RALGPS2: variants seen among roughly 807,000 people sequenced by gnomAD.
The protein encoded by RALGPS2 is Ral GEF with PH domain and SH3 binding motif 2, also known as ras-specific guanine nucleotide-releasing factor RalGPS2.
A neutral mutation model predicts 86.8 loss-of-function variants in RALGPS2; 43 were observed. The observed-to-expected ratio is 0.50, with a 90% CI of 0.39 to 0.64. The LOEUF (loss-of-function observed/expected upper bound fraction) is 0.64, where lower values mean the gene tolerates loss of function less well. Ranked by LOEUF, RALGPS2 falls within the 30% of genes least tolerant of loss-of-function variation. The probability of loss-of-function intolerance (pLI) is 0.00; values close to 1 mark genes in which losing one functional copy is unlikely to be tolerated. For missense variants in RALGPS2, 536 were observed against 694.6 expected (o/e 0.77, Z 2.57); for synonymous variants, 243 against 231.3 (o/e 1.05, Z -0.46).
chr1:178,824,142 A>G (rs897532411), intron 7 of RALGPS2, among the ~76,000 whole-genome samples: 9 of 152,220 alleles, frequency 5.9e-5, no homozygotes, highest in Non-Finnish European at 1.3e-4. Flanking sequence ...TGACCTGACA[A>G]TTGGAAAGGA....
intron 15 of RALGPS2, among the ~76,000 whole-genome samples, chr1:178,893,263 G>A (rs78468607): frequency 2.3e-4 from 35 of 150,038 alleles, no homozygotes; most frequent in African/African-American, 8.4e-4. Context: ...TTTTTTAAAA[G>A]ATACATGAAA....
chr1:178,776,073 A>T (rs947635115), intron 1 of RALGPS2, among the ~76,000 whole-genome samples: 2 of 152,168 alleles, frequency 1.3e-5, no homozygotes, highest in African/African-American at 4.8e-5. Flanking sequence ...TTTAAAGTAT[A>T]CAAGAGGATG....
At chr1:178,756,174 C>G (rs1368539489) in intron 1 of RALGPS2, among the ~76,000 whole-genome samples, 1 of 152,088 alleles carries the variant, frequency 6.6e-6, no homozygotes, top group Non-Finnish European at 1.5e-5. Context: ...TTAGGTCCCA[C>G]TTGTCAATTT....
chr1:178,879,059 A>G, intron 10 of RALGPS2, 67 bp downstream of exon 10: 2 of 1,560,220 alleles, frequency 1.3e-6, no homozygotes, highest in Admixed American at 2.0e-5. Context: ...ATCCCTATGT[A>G]TTTAAACATC....
intron 13 of RALGPS2, 93 bp downstream of exon 13, chr1:178,886,213 G>A: frequency 7.4e-7 from 1 of 1,343,086 alleles, no homozygotes; most frequent in Non-Finnish European, 1.0e-6. Flanking sequence ...CACACACAGA[G>A]AAAATTTGGT....
At chr1:178,864,788 G>A (rs1040351214) in intron 8 of RALGPS2, among the ~76,000 whole-genome samples, 2 of 152,050 alleles carry the variant, frequency 1.3e-5, no homozygotes, top group Non-Finnish European at 1.5e-5. Flanking sequence ...AGCTGGAAGA[G>A]GAGATGTATT....
At chr1:178,873,233 G>A (rs78388042) in intron 8 of RALGPS2, among the ~76,000 whole-genome samples, 7,885 of 152,192 alleles carry the variant, frequency 0.052, 714 homozygotes, top group African/African-American at 0.18. Flanking sequence ...GTGTGTTGAA[G>A]GGTGACTAGA....
At chr1:178,799,062 C>T (rs569324113) in intron 4 of RALGPS2, among the ~76,000 whole-genome samples, 46 of 152,046 alleles carry the variant, frequency 3.0e-4, no homozygotes, top group Admixed American at 8.5e-4. Flanking sequence ...TGTTTTGAGA[C>T]GGAGTCTTGC....
intron 8 of RALGPS2, chr1:178,865,592 C>G (rs768396369): frequency 1.2e-6 from 2 of 1,613,780 alleles, no homozygotes; most frequent in Non-Finnish European, 1.7e-6. Flanking sequence ...ACAGATTGGC[C>G]CTGTTATTCT....
intron 17 of RALGPS2, among the ~76,000 whole-genome samples, chr1:178,901,838 A>G (rs1223848121): frequency 6.6e-6 from 1 of 152,054 alleles, no homozygotes; most frequent in Non-Finnish European, 1.5e-5. Context: ...CATATTCACA[A>G]ACATGCTCTC....
Position 178,776,681 on chromosome 1 carries a change from G to A in RALGPS2, c.-83-1G>A. The A allele has an allele frequency of 1.0e-6, 1 of 987,638 alleles. No individual in the cohort carries two copies. The highest frequency in any genetic ancestry group is 1.5e-6 in the Non-Finnish European group (1 of 676,996). The allele number at this position is 987,638 out of a possible 1,614,324, so 61.2% of individuals were successfully genotyped here. On this transcript the variant is annotated splice_acceptor_variant, in intron 1 of 19. Transcript: ENST00000367635. LOFTEE classifies it low-confidence loss of function (5UTR_SPLICE). Reference sequence around the variant, plus strand: ...TGCTTAACTTTTTTTTTTTTTTACAGGAATAATGTATTTGTGGCCTTGGAC... The same window carrying A: ...TGCTTAACTTTTTTTTTTTTTTACAAGAATAATGTATTTGTGGCCTTGGAC...
At chr1:178,849,397 T>C (rs534388720) in intron 8 of RALGPS2, among the ~76,000 whole-genome samples, 1 of 152,360 alleles carries the variant, frequency 6.6e-6, no homozygotes, top group South Asian at 2.1e-4. Flanking sequence ...TAAGGCAGTT[T>C]AGCATTCAGC....
rs550269861 is a variant in RALGPS2 at position 178,918,215 on chromosome 1, A to G, written c.*1856A>G. 6.6e-6 allele frequency: 1 copy of G among 152,326 alleles called. No homozygotes were observed. The highest frequency in any genetic ancestry group is 2.4e-5 in the African/African-American group (1 of 41,590). The allele number at this position is 152,326 out of a possible 1,614,324, so 9.4% of individuals were successfully genotyped here. On this transcript the variant is annotated 3_prime_UTR_variant, in exon 20 of 20. Coordinates refer to ENST00000367635, the MANE Select transcript of RALGPS2 (RefSeq NM_152663.5). ...ATTTTTCAATTAATGCTCTAAGCTT[A>G]ACCCATGTTGGGTAATAGAAAGACA...
chr1:178,748,217 G>A (rs1230854661), intron 1 of RALGPS2, among the ~76,000 whole-genome samples: 1 of 152,090 alleles, frequency 6.6e-6, no homozygotes, highest in Non-Finnish European at 1.5e-5. Flanking sequence ...CCACTCGGGA[G>A]GCTGAGGCAA....
intron 6 of RALGPS2, among the ~76,000 whole-genome samples, chr1:178,816,088 G>A (rs1295277263): frequency 1.3e-5 from 2 of 152,192 alleles, no homozygotes; most frequent in South Asian, 2.1e-4. Flanking sequence ...CCTAGGAATG[G>A]TGGACTTTCT....
intron 8 of RALGPS2, among the ~76,000 whole-genome samples, chr1:178,855,977 G>C (rs1657511524): frequency 6.8e-6 from 1 of 147,992 alleles, no homozygotes; most frequent in African/African-American, 2.5e-5. Context: ...GAACAAAAAA[G>C]TAATATATAT....
intron 8 of RALGPS2, among the ~76,000 whole-genome samples, chr1:178,835,258 A>G (rs1656217865): frequency 6.6e-6 from 1 of 152,236 alleles, no homozygotes; most frequent in South Asian, 2.1e-4. Flanking sequence ...CAATGACTCT[A>G]CAGTCCTTAT....
At chr1:178,753,991 C>T (rs1440524388) in intron 1 of RALGPS2, among the ~76,000 whole-genome samples, 1 of 151,922 alleles carries the variant, frequency 6.6e-6, no homozygotes, top group Non-Finnish European at 1.5e-5. Context: ...GCCACCACGC[C>T]CGGCTAATTT....
chr1:178,887,714 T>C (rs1340590180), intron 13 of RALGPS2, among the ~76,000 whole-genome samples: 1 of 152,184 alleles, frequency 6.6e-6, no homozygotes, highest in African/African-American at 2.4e-5. Flanking sequence ...AGTAGTTGTT[T>C]ATTCTGATAG....
Sources: gnomAD v4.1 joint callset for allele counts (sites outside exome capture counted in the v4.1 genomes callset) on GRCh38, gnomAD v4.1.1 for gene constraint, MANE v1.5 for transcripts, NCBI Gene and HGNC (gene_info 2026-07-23, HGNC 2026-07-21) for gene names.